The following FANCC variants were observed in gnomAD, a reference collection of about 807,000 sequenced individuals.
FANCC encodes Fanconi anemia group C protein.
Under a neutral mutation model 71.3 loss-of-function variants are expected in FANCC, and 55 were observed. That is an observed-to-expected ratio of 0.77 (90% CI 0.62 to 0.97). The LOEUF (loss-of-function observed/expected upper bound fraction) is 0.97. Among genes scored for constraint, FANCC ranks in the 50% least tolerant of loss-of-function variants. FANCC has a pLI of 0.00. For missense variants in FANCC, 678 were observed against 670.9 expected (o/e 1.01, Z -0.12); for synonymous variants, 275 against 244.9 (o/e 1.12, Z -1.15).
At chr9:95,131,226 G>C (rs1826864698) in intron 8 of FANCC, among the ~76,000 whole-genome samples, 1 of 152,138 alleles carries the variant, frequency 6.6e-6, no homozygotes, top group Non-Finnish European at 1.5e-5. Context: ...TCTTCTCTGT[G>C]TTTGGACACA....
rs1833473696 is a variant in FANCC, at chr9:95,283,203, TC to T, written c.-78-33835del. Among the ~76,000 whole-genome samples, 3 of 152,250 alleles carry T rather than the reference TC, an allele frequency of 2.0e-5. No homozygotes were observed. In the South Asian group the frequency reaches 6.2e-4, roughly 32 times the overall value. Reference sequence around the variant, plus strand: ...GCTCAAGGGATCCTCCTCCTCAGCCTCCCCAGGGGCTGGGACTACAGGTGCA... The same window carrying T: ...GCTCAAGGGATCCTCCTCCTCAGCCTCCCAGGGGCTGGGACTACAGGTGCA... On this transcript the variant is annotated intron_variant, in intron 1 of 14. Coordinates refer to ENST00000289081, the MANE Select transcript of FANCC (RefSeq NM_000136.3).
chr9:95,153,819 A>C (rs928124108), intron 6 of FANCC, among the ~76,000 whole-genome samples: 3 of 152,206 alleles, frequency 2.0e-5, no homozygotes, highest in Non-Finnish European at 4.4e-5. Context: ...ATTCAAAGTT[A>C]ATCAAAATAG....
chr9:95,121,189 A>C (rs1426995000), intron 10 of FANCC, among the ~76,000 whole-genome samples: 1 of 152,240 alleles, frequency 6.6e-6, no homozygotes, highest in Non-Finnish European at 1.5e-5. Flanking sequence ...TCATGGCTGC[A>C]ACCAGAAACT....
intron 4 of FANCC, among the ~76,000 whole-genome samples, chr9:95,193,444 G>A (rs931293023): frequency 1.3e-5 from 2 of 152,186 alleles, no homozygotes; most frequent in Admixed American, 1.3e-4. Flanking sequence ...AACAGGAGCC[G>A]TGGGTGTGAT....
chr9:95,304,610 C>T (rs765678243), intron 1 of FANCC, among the ~76,000 whole-genome samples: 8 of 150,350 alleles, frequency 5.3e-5, no homozygotes, highest in Non-Finnish European at 8.9e-5. Flanking sequence ...AATAGGTGGG[C>T]GTGGTGGCGA....
In FANCC at chr9:95,273,179, G is replaced by A. The variant is rs1478330109; in HGVS notation, c.-78-23810C>T. 3.3e-5 allele frequency among the ~76,000 whole-genome samples: 5 copies of A among 152,232 alleles called. No individual in the cohort carries two copies. The East Asian group carries it at 7.7e-4, about 23-fold the overall frequency. On this transcript the variant is annotated intron_variant, in intron 1 of 14. Coordinates refer to ENST00000289081, the MANE Select transcript of FANCC (RefSeq NM_000136.3). ...ATTCTTTAGCCTCGACGAGGGAAGG[G>A]TGGTGAACGAGTCACTAAATGCCTA...
chr9:95,236,724 A>G (rs1247475550), intron 4 of FANCC, among the ~76,000 whole-genome samples: 1 of 152,250 alleles, frequency 6.6e-6, no homozygotes, highest in Non-Finnish European at 1.5e-5. Context: ...ATGCTCCAGT[A>G]ACACAGAATG....
At chr9:95,292,983 C>T in intron 1 of FANCC, 4 of 1,579,272 alleles carry the variant, frequency 2.5e-6, no homozygotes, top group Non-Finnish European at 8.7e-7. Flanking sequence ...CCACGAGATC[C>T]CTGCAGAACA....
intron 1 of FANCC, among the ~76,000 whole-genome samples, chr9:95,284,005 T>C (rs1383922918): frequency 1.3e-5 from 2 of 152,218 alleles, no homozygotes; most frequent in Non-Finnish European, 2.9e-5. Context: ...AATACATTAA[T>C]TACACAGAAA....
intron 4 of FANCC, among the ~76,000 whole-genome samples, chr9:95,210,259 A>G (rs1165082065): frequency 1.3e-5 from 2 of 152,200 alleles, no homozygotes; most frequent in Non-Finnish European, 2.9e-5. Flanking sequence ...GAGCAGGGAC[A>G]GTTATGTGGA....
chr9:95,166,863 T>C (rs1831096843), intron 6 of FANCC, among the ~76,000 whole-genome samples: 1 of 152,108 alleles, frequency 6.6e-6, no homozygotes. Flanking sequence ...TATTATAAGA[T>C]TTTGTGTTTG....
At chr9:95,155,892 G>GTTT (rs68175473) in intron 6 of FANCC, among the ~76,000 whole-genome samples, 310 of 138,830 alleles carry the variant, frequency 2.2e-3, no homozygotes, top group African/African-American at 7.4e-3. Flanking sequence ...CTTTTTTTGG[G>GTTT]TTTTTTTTTT....
Position 95,179,636 on chromosome 9 carries a change from C to T in FANCC, c.346-7489G>A, listed in dbSNP as rs931952282. On this transcript the variant is annotated intron_variant, in intron 4 of 14. Transcript: ENST00000289081. ...TGCTAGGATTACAGGTGTGAGCCAC[C>T]ATGCCCAGCCGGTATTCTATTCTTA... Among the ~76,000 whole-genome samples the T allele has an allele frequency of 2.0e-5, 3 of 152,210 alleles. 1 individual carries two copies. Among genetic ancestry groups the T allele is most frequent in the Admixed American group, 1.3e-4 (2 of 15,284 alleles).
At chr9:95,228,235 T>C (rs1829750418) in intron 4 of FANCC, among the ~76,000 whole-genome samples, 1 of 152,300 alleles carries the variant, frequency 6.6e-6, no homozygotes, top group South Asian at 2.1e-4. Context: ...ATGCGGAGCA[T>C]GACAGGTGCC....
rs192079763 is a variant in FANCC at position 95,271,076 on chromosome 9, G to A, written c.-78-21707C>T. 3.4e-3 allele frequency among the ~76,000 whole-genome samples: 516 copies of A among 152,242 alleles called. 3 individuals are homozygous for A. The highest frequency in any genetic ancestry group is 4.7e-3 in the Non-Finnish European group (319 of 68,018). On this transcript the variant is annotated intron_variant, in intron 1 of 14. Transcript: ENST00000289081. ...ACCAAGGACAGTCGTGCCCCAGAGG[G>A]GACCCTTGACAATGTTTGAAGACAT...
chr9:95,252,786 A>G (rs963705084), intron 1 of FANCC, among the ~76,000 whole-genome samples: 1 of 149,340 alleles, frequency 6.7e-6, no homozygotes, highest in Non-Finnish European at 1.5e-5. Flanking sequence ...ACAGTGGCTC[A>G]TGCCTGTAAT....
intron 4 of FANCC, among the ~76,000 whole-genome samples, chr9:95,216,560 G>C (rs1237563475): frequency 6.6e-6 from 1 of 152,178 alleles, no homozygotes; most frequent in East Asian, 1.9e-4. Flanking sequence ...AACCCCTTTG[G>C]AAAAGAGACA....
At chr9:95,215,410 T>C (rs73534898) in intron 4 of FANCC, among the ~76,000 whole-genome samples, 5,559 of 151,640 alleles carry the variant, frequency 0.037, 308 homozygotes, top group African/African-American at 0.12. Context: ...GTGAGGAGGA[T>C]GGGAAAGAGG....
intron 1 of FANCC, among the ~76,000 whole-genome samples, chr9:95,309,822 T>C (rs1437293200): frequency 1.3e-5 from 2 of 152,156 alleles, no homozygotes; most frequent in African/African-American, 4.8e-5. Flanking sequence ...CACTCATGGA[T>C]CCAGCATGAC....
Sources: allele counts gnomAD v4.1 joint callset (sites outside exome capture counted in the v4.1 genomes callset), GRCh38; gene constraint gnomAD v4.1.1; transcripts MANE v1.5; gene names NCBI Gene and HGNC (gene_info 2026-07-23, HGNC 2026-07-21).